The following TRIM22 variants were observed in gnomAD, a reference collection of about 807,000 sequenced individuals.
TRIM22 encodes the protein tripartite motif containing 22.
In TRIM22, 45 loss-of-function variants were observed where a neutral mutation model predicts 53.6. The ratio of observed to expected loss-of-function variants is 0.84; its 90% CI spans 0.66 to 1.08. The LOEUF is 1.08. Among genes scored for constraint, TRIM22 ranks in the 50% least tolerant of loss-of-function variants. The pLI, the probability that TRIM22 is intolerant of heterozygous loss-of-function variation, is 0.00. For synonymous variants in TRIM22, 225 were observed against 216.6 expected (o/e 1.04, Z -0.34); for missense variants, 616 against 590.9 (o/e 1.04, Z -0.44).
intron 6 of TRIM22, 143 bp downstream of exon 6, chr11:5,708,416 C>T: frequency 2.0e-6 from 2 of 981,404 alleles, no homozygotes; most frequent in Non-Finnish European, 3.1e-6. Context: ...AGATGTGGTC[C>T]TGTCTTAGGG....
At chr11:5,698,664 G>C in intron 4 of TRIM22, 119 bp downstream of exon 4, 3 of 803,672 alleles carry the variant, frequency 3.7e-6, no homozygotes, top group Non-Finnish European at 6.0e-6. Context: ...TGGTTCCTTT[G>C]GCCCGGCATG....
In TRIM22 at chr11:5,698,502, A is replaced by G. The variant is rs1324737988; in HGVS notation, c.707A>G (p.Asp236Gly). The G allele has an allele frequency of 1.2e-6, 2 of 1,613,986 alleles. No homozygotes were observed. Among genetic ancestry groups the G allele is most frequent in the Non-Finnish European group, 8.5e-7 (1 of 1,179,878 alleles). Residue 236 changes from aspartate (D) to glycine (G), a missense_variant, in exon 4 of 8, where the codon GAT becomes GGT. Physicochemically the swap from Asp to Gly is moderately conservative, Grantham distance 94. Coordinates refer to ENST00000379965, the MANE Select transcript of TRIM22 (RefSeq NM_006074.5). Reference sequence around the variant, plus strand: ...CAGGATGCCAGCACGCTCATCTCAGATCTCCAGCGGAGGTTGAGGGGATCG... The same window carrying G: ...CAGGATGCCAGCACGCTCATCTCAGGTCTCCAGCGGAGGTTGAGGGGATCG... ...QRQDASTLISDLQRRLRGSSV... is the reference protein window; with the variant it reads ...QRQDASTLISGLQRRLRGSSV...
At chr11:5,702,267 T>C (rs1853386510) in intron 4 of TRIM22, among the ~76,000 whole-genome samples, 3 of 145,106 alleles carry the variant, frequency 2.1e-5, no homozygotes, top group African/African-American at 7.5e-5. Flanking sequence ...ATATAATATA[T>C]AACTAATATG....
intron 4 of TRIM22, among the ~76,000 whole-genome samples, chr11:5,700,279 AT>A (rs1033844180): frequency 6.6e-6 from 1 of 151,394 alleles, no homozygotes; most frequent in Admixed American, 6.6e-5. Flanking sequence ...ACCTGGCTAC[AT>A]TTTTTTTGTA....
At chr11:5,693,721 C>CAAAAAAAAAAAAAA (rs60530986) in intron 1 of TRIM22, among the ~76,000 whole-genome samples, 1 of 87,438 alleles carries the variant, frequency 1.1e-5, no homozygotes, top group Non-Finnish European at 2.1e-5. Flanking sequence ...GACTCCGTCT[C>CAAAAAAAAAAAAAA]AAAAAAAAAA....
chr11:5,698,454 C>T lies in TRIM22; in HGVS notation c.659C>T (p.Thr220Ile), dbSNP rs773535321. 1.9e-6 allele frequency: 3 copies of T among 1,614,140 alleles called. No individual in the cohort carries two copies. Among genetic ancestry groups the T allele is most frequent in the East Asian group, 2.2e-5 (1 of 44,874 alleles). Residue 220 changes from threonine (T) to isoleucine (I), a missense_variant, in exon 4 of 8, where the codon ACA becomes ATA. Coordinates refer to ENST00000379965, the MANE Select transcript of TRIM22 (RefSeq NM_006074.5). ...VNVLDNLAAA[T>I]DQLVQQRQDA... ...GTGCTGGATAACCTGGCAGCAGCTA[C>T]AGACCAGCTGGTCCAGCAGAGGCAG... is the stretch of plus-strand genomic sequence containing the variant.
At position 5,702,960 on chromosome 11, in the gene TRIM22, T is replaced by G. The variant is rs377604315; in HGVS notation, c.751-3634T>G. Among the ~76,000 whole-genome samples, 6 of 152,324 alleles carry G rather than the reference T, an allele frequency of 3.9e-5. No individual in the cohort carries two copies. The South Asian group carries it at 1.0e-3, about 26-fold the overall frequency. ...TTCCACATGCTGAACTTTTACTAGT[T>G]TTAGTAGTTGTGTGTTTGTGTGTGT... On this transcript the variant is annotated intron_variant, in intron 4 of 7. Coordinates refer to ENST00000379965, the MANE Select transcript of TRIM22 (RefSeq NM_006074.5).
intron 7 of TRIM22, 92 bp from the exon 8 acceptor site, chr11:5,708,961 G>A (rs529202710): frequency 8.3e-5 from 85 of 1,018,594 alleles, no homozygotes; most frequent in Middle Eastern, 2.2e-4. Context: ...GTTTGATATC[G>A]ACACAAGTTT....
At position 5,696,400 on chromosome 11, in the gene TRIM22, T is replaced by G. The variant is rs979850902; in HGVS notation, c.168T>G (p.Cys56Trp). 4.3e-6 allele frequency: 7 copies of G among 1,614,116 alleles called. No homozygotes were observed. In the Admixed American group the frequency reaches 5.0e-5, roughly 12 times the overall value. ...SVIISRGESS[C>W]PVCQTRFQPG... ...TCATCTCAAGAGGGGAAAGCAGCTG[T>G]CCTGTGTGTCAGACCAGATTCCAGC... The change falls in exon 2 of 8, where the codon TGT (cysteine) becomes TGG (tryptophan). Residue 56 changes from cysteine to tryptophan, a missense_variant. By Grantham distance (215) the Cys-to-Trp change is radical. Coordinates refer to ENST00000379965, the MANE Select transcript of TRIM22 (RefSeq NM_006074.5).
intron 5 of TRIM22, among the ~76,000 whole-genome samples, chr11:5,707,836 C>G (rs1853485336): frequency 6.6e-6 from 1 of 151,992 alleles, no homozygotes; most frequent in African/African-American, 2.4e-5. Context: ...AACAAACAAA[C>G]AAAAGCATTA....
chr11:5,692,961 C>T (rs535305566), intron 1 of TRIM22, among the ~76,000 whole-genome samples: 5 of 150,620 alleles, frequency 3.3e-5, no homozygotes, highest in East Asian at 3.9e-4. Flanking sequence ...CTGCAACCTC[C>T]GCCTCCTGGG....
chr11:5,697,745 A>C (rs12421805), intron 3 of TRIM22: 90,441 of 177,736 alleles, frequency 0.51, 24,180 homozygotes, highest in Non-Finnish European at 0.56. Context: ...TCTCTGTCAT[A>C]CAGGCTGGAG....
intron 4 of TRIM22, among the ~76,000 whole-genome samples, 188 bp downstream of exon 4, chr11:5,698,733 G>A (rs1853315422): frequency 6.6e-6 from 1 of 152,188 alleles, no homozygotes; most frequent in Non-Finnish European, 1.5e-5. Context: ...TGAATGGGAA[G>A]GGAAATTCCC....
At position 5,699,477 on chromosome 11, in the gene TRIM22, T is replaced by C. The variant is rs1008178263; in HGVS notation, c.750+932T>C. Among the ~76,000 whole-genome samples the C allele has an allele frequency of 7.7e-5, 8 of 103,462 alleles. 1 individual carries two copies. Among genetic ancestry groups the C allele is most frequent in the African/African-American group, 2.9e-4 (6 of 20,856 alleles). The allele number at this position is 103,462 out of a possible 152,430, so 67.9% of individuals were successfully genotyped here. A position where few individuals can be genotyped will look rare whatever the true frequency, so the allele number is the denominator to read the frequency against. On this transcript the variant is annotated intron_variant, in intron 4 of 7. Transcript: ENST00000379965. ...AAGCGGAGCTTGCAATGAACCGAGATTGCGCCACTGCAGTCCGCAGTCCGG... is the reference window on the plus strand; with the variant it reads ...AAGCGGAGCTTGCAATGAACCGAGACTGCGCCACTGCAGTCCGCAGTCCGG...
At chr11:5,696,965 AGAG>A (rs1419912575) in intron 2 of TRIM22, 12 of 494,420 alleles carry the variant, frequency 2.4e-5, no homozygotes. Flanking sequence ...AGATGTGGGA[AGAG>A]TGGCAATGAA....
At chr11:5,691,248 G>A (rs975834693) in intron 1 of TRIM22, 2 of 152,238 alleles carry the variant, frequency 1.3e-5, no homozygotes, top group African/African-American at 4.8e-5. Context: ...AGCTCCTCGA[G>A]TGAGCAATTC....
intron 1 of TRIM22, among the ~76,000 whole-genome samples, chr11:5,692,738 C>G (rs1451089349): frequency 2.0e-5 from 3 of 146,620 alleles, no homozygotes. Flanking sequence ...GACTGGAGGA[C>G]TGCTTGAGTT....
intron 4 of TRIM22, among the ~76,000 whole-genome samples, chr11:5,704,788 T>C (rs1407691294): frequency 6.6e-6 from 1 of 152,200 alleles, no homozygotes; most frequent in African/African-American, 2.4e-5. Context: ...TTTTTAGTTA[T>C]AGTGGTTATA....
In TRIM22 at chr11:5,698,410, G is replaced by A; in HGVS notation, c.615G>A (p.Leu205=). Reference sequence around the variant, plus strand: ...AGGAGCAGAGAGAGCTGCAAAAGCTGGAGGAAGGTGAGGTGAATGTGCTGG... The same window carrying A: ...AGGAGCAGAGAGAGCTGCAAAAGCTAGAGGAAGGTGAGGTGAATGTGCTGG... The part of the protein sequence containing the change: ...DNEEQRELQK[L]EEGEVNVLDN... The change falls in exon 4 of 8, where the codon CTG becomes CTA. Residue 205 remains leucine (L), a synonymous_variant. Transcript: ENST00000379965. 1 of 1,614,214 alleles carries A rather than the reference G, an allele frequency of 6.2e-7. No homozygotes were observed. Among genetic ancestry groups the A allele is most frequent in the Non-Finnish European group, 8.5e-7 (1 of 1,180,026 alleles).
Sources: gnomAD v4.1 joint callset for allele counts (sites outside exome capture counted in the v4.1 genomes callset) on GRCh38, gnomAD v4.1.1 for gene constraint, MANE v1.5 for transcripts, NCBI Gene and HGNC (gene_info 2026-07-23, HGNC 2026-07-21) for gene names.